Variants in UBN1 observed in about 807,000 individuals in gnomAD.
UBN1 encodes the protein ubinuclein-1.
Under a neutral mutation model 108.5 loss-of-function variants are expected in UBN1, and 17 were observed. The observed-to-expected ratio is 0.16, with a 90% CI of 0.11 to 0.24. The LOEUF (loss-of-function observed/expected upper bound fraction) is 0.24. UBN1 is among the 10% of genes least tolerant of loss of function. The pLI is 1.00. For missense variants in UBN1, 1,595 were observed against 1,394.4 expected, an observed-to-expected ratio of 1.14 and a Z score of -2.29; for synonymous variants, 726 against 564.2, an observed-to-expected ratio of 1.29 and a Z score of -4.07.
intron 4 of UBN1, 82 bp downstream of exon 4, chr16:4,858,745 GT>G: frequency 7.3e-7 from 1 of 1,377,412 alleles, no homozygotes. Flanking sequence ...TGGGGGTGGG[GT>G]CAGAGCAGTC....
chr16:4,875,393 C>A lies in UBN1; in HGVS notation c.2983C>A (p.Pro995Thr), dbSNP rs202217089. ...GTTGCTGACCTCGCCGTCCCTAAAGCCCTCTGCAGTTAGTAGTGTGACATC... is the reference window on the plus strand; with the variant it reads ...GTTGCTGACCTCGCCGTCCCTAAAGACCTCTGCAGTTAGTAGTGTGACATC... ...AKLLTSPSLK[P>T]SAVSSVTSST... Residue 995 changes from proline (P) to threonine (T), a missense_variant, in exon 15 of 18, where the codon CCC (proline) becomes ACC (threonine). Pro to Thr is a conservative substitution (Grantham distance 38). Coordinates refer to ENST00000262376, the MANE Select transcript of UBN1 (RefSeq NM_001079514.3). 27 of 1,613,848 alleles carry A rather than the reference C, an allele frequency of 1.7e-5. No individual in the cohort carries two copies. Among genetic ancestry groups the A allele is most frequent in the Non-Finnish European group, 2.3e-5 (27 of 1,179,948 alleles).
chr16:4,858,916 G>A, intron 4 of UBN1, 109 bp from the exon 5 acceptor site: 2 of 1,394,996 alleles, frequency 1.4e-6, no homozygotes, highest in Non-Finnish European at 2.0e-6. Context: ...GTTTTAGCAT[G>A]CTCTTGGAAG....
chr16:4,870,627 G>C lies in UBN1; in HGVS notation c.1423G>C (p.Val475Leu), dbSNP rs745307493. 6.8e-6 allele frequency: 11 copies of C among 1,614,138 alleles called. No individual in the cohort carries two copies. The highest frequency in any genetic ancestry group is 1.1e-5 in the South Asian group (1 of 91,088). The change falls in exon 10 of 18, where the codon GTT (valine) becomes CTT (leucine). Residue 475 changes from valine (V) to leucine (L), a missense_variant. Val to Leu is a conservative substitution (Grantham distance 32). Transcript: ENST00000262376. ...DECQAHTQAK[V>L]AKMLEEEKDK... is the part of the protein sequence containing the mutation. ...ATGCCAGGCACACACGCAGGCAAAG[G>C]TTGCCAAGTAAGTTTGTCCTGGCGC...
Position 4,877,488 on chromosome 16 carries a change from G to T in UBN1, c.3355+14G>T. ...AGAGTCTGCCAGGTAATCACCCGAC[G>T]GTCAGTGTGCCACGCGCACCGTGTG... On this transcript the variant is annotated intron_variant, in intron 17 of 17. Coordinates refer to ENST00000262376, the MANE Select transcript of UBN1 (RefSeq NM_001079514.3). This position sits in a 1 kb window ranked among gnomAD's most constrained non-coding sequence, Gnocchi z 4.3. 1 of 1,605,718 alleles carries T rather than the reference G, an allele frequency of 6.2e-7. No individual in the cohort carries two copies.
Position 4,858,082 on chromosome 16 carries a change from A to G in UBN1, c.336+6A>G, listed in dbSNP as rs773040072. ...GAAAATTTGAAGAAAAATACGTAAG[A>G]TTTCTCTCTTGAATAACAAAACAAC... On this transcript the variant is annotated splice_donor_region_variant and intron_variant, in intron 3 of 17. Coordinates refer to ENST00000262376, the MANE Select transcript of UBN1 (RefSeq NM_001079514.3). 2.5e-6 allele frequency: 4 copies of G among 1,600,040 alleles called. No homozygotes were observed. The highest frequency in any genetic ancestry group is 3.4e-6 in the Non-Finnish European group (4 of 1,168,590).
intron 2 of UBN1, among the ~76,000 whole-genome samples, chr16:4,856,582 C>T (rs1363067924): frequency 6.6e-6 from 1 of 152,170 alleles, no homozygotes; most frequent in Non-Finnish European, 1.5e-5. Context: ...GACACAGGCC[C>T]TGGAGGTCTT....
rs746374573 is a variant in UBN1 at position 4,870,512 on chromosome 16, G to A, written c.1312-4G>A. On this transcript the variant is annotated splice_region_variant and splice_polypyrimidine_tract_variant and intron_variant, in intron 9 of 17. Transcript: ENST00000262376. ...TGCCTTGAATTGTGTCCCGCTCTTCGCAGGGGGGCCGTCTGAAGGAGCCTC... is the reference window on the plus strand; with the variant it reads ...TGCCTTGAATTGTGTCCCGCTCTTCACAGGGGGGCCGTCTGAAGGAGCCTC... 19 of 1,614,032 alleles carry A rather than the reference G, an allele frequency of 1.2e-5. No individual in the cohort carries two copies. The highest frequency in any genetic ancestry group is 3.3e-5 in the South Asian group (3 of 91,086).
intron 7 of UBN1, among the ~76,000 whole-genome samples, chr16:4,861,507 C>T (rs1053479602): frequency 2.6e-5 from 4 of 152,350 alleles, no homozygotes; most frequent in South Asian, 2.1e-4. Context: ...ACAAGTTACA[C>T]GTAGAGTAGA....
rs2086871638 is a variant in UBN1 at position 4,857,523 on chromosome 16, C to T, written c.250-467C>T. On this transcript the variant is annotated intron_variant, in intron 2 of 17. Transcript: ENST00000262376. ...GAGAGAAGTGCAAATTCAGACCTTTCTAAACAGTATGGCAGAACGGCTCTC... is the reference window on the plus strand; with the variant it reads ...GAGAGAAGTGCAAATTCAGACCTTTTTAAACAGTATGGCAGAACGGCTCTC... Among the ~76,000 whole-genome samples the T allele has an allele frequency of 3.3e-5, 5 of 151,664 alleles. No individual in the cohort carries two copies. In the South Asian group the frequency reaches 1.0e-3, roughly 32 times the overall value.
At chr16:4,860,066 C>T in intron 6 of UBN1, 98 bp downstream of exon 6, 6 of 1,499,114 alleles carry the variant, frequency 4.0e-6, no homozygotes, top group Non-Finnish European at 5.4e-6. Context: ...TCGGAAGAGG[C>T]AGCAGGGCCT....
chr16:4,877,845 T>C lies in UBN1; in HGVS notation c.3355+371T>C, dbSNP rs1259448109. The C allele has an allele frequency of 9.9e-7, 1 of 1,005,640 alleles. No homozygotes were observed. Among genetic ancestry groups the C allele is most frequent in the African/African-American group, 1.7e-5 (1 of 57,810 alleles). The allele number at this position is 1,005,640 out of a possible 1,614,324, so 62.3% of individuals were successfully genotyped here. ...GTAATGGTGCATCTTCTCCAAGGGCTAATTGGGTACAACAAGGTCTTGGAA... is the reference window on the plus strand; with the variant it reads ...GTAATGGTGCATCTTCTCCAAGGGCCAATTGGGTACAACAAGGTCTTGGAA... On this transcript the variant is annotated intron_variant, in intron 17 of 17. Coordinates refer to ENST00000262376, the MANE Select transcript of UBN1 (RefSeq NM_001079514.3). The surrounding 1 kb of genome is among the most constrained non-coding windows in gnomAD (Gnocchi z 4.3).
rs1407492233 is a variant in UBN1, at chr16:4,870,941, C to T, written c.1528C>T (p.Arg510Trp). 1.9e-6 allele frequency: 3 copies of T among 1,614,154 alleles called. No individual in the cohort carries two copies. Among genetic ancestry groups the T allele is most frequent in the South Asian group, 1.1e-5 (1 of 91,078 alleles). The change falls in exon 11 of 18, where the codon CGG becomes TGG. Residue 510 changes from arginine (R) to tryptophan (W), a missense_variant. Arg to Trp is a moderately radical substitution (Grantham distance 101). This residue lies in a region of UBN1 where 1,398 missense variants were observed against 1,194.7 expected (regional missense o/e 1.17). Coordinates refer to ENST00000262376, the MANE Select transcript of UBN1 (RefSeq NM_001079514.3). ...AGGGGGCAGGAGGATAATGGGACCTCGGAAGAAGTTCCAATGGAATGATGA... is the reference window on the plus strand; with the variant it reads ...AGGGGGCAGGAGGATAATGGGACCTTGGAAGAAGTTCCAATGGAATGATGA... ...EKGGRRIMGP[R>W]KKFQWNDEIR...
At chr16:4,862,683 A>G (rs2087123252) in intron 7 of UBN1, among the ~76,000 whole-genome samples, 1 of 152,160 alleles carries the variant, frequency 6.6e-6, no homozygotes, top group Non-Finnish European at 1.5e-5. Context: ...CTGTGTCCCC[A>G]CTCGTGCCAT....
intron 3 of UBN1, 124 bp downstream of exon 3, chr16:4,858,200 G>C: frequency 2.7e-6 from 2 of 735,468 alleles, no homozygotes; most frequent in South Asian, 3.2e-5. Context: ...AGCATGGAGA[G>C]AAGAGAAGCA....
chr16:4,860,876 C>A lies in UBN1; in HGVS notation c.884C>A (p.Ser295Tyr). ...GACCCCTTGCTCTCACTCTTTGGCT[C>A]TACTTCTGACAACGACTTGCTCCAG... is the stretch of plus-strand genomic sequence containing the variant. ...ASDPLLSLFGSTSDNDLLQAA... is the reference protein window; with the variant it reads ...ASDPLLSLFGYTSDNDLLQAA... Residue 295 changes from serine to tyrosine, a missense_variant, in exon 7 of 18, where the codon TCT becomes TAT. Physicochemically the swap from Ser to Tyr is moderately radical, Grantham distance 144 (BLOSUM62 -2). Coordinates refer to ENST00000262376, the MANE Select transcript of UBN1 (RefSeq NM_001079514.3). 8.1e-6 allele frequency: 13 copies of A among 1,614,254 alleles called. No homozygotes were observed. Among genetic ancestry groups the A allele is most frequent in the Non-Finnish European group, 1.1e-5 (13 of 1,180,038 alleles).
intron 2 of UBN1, among the ~76,000 whole-genome samples, chr16:4,853,627 G>C (rs1210484875): frequency 6.6e-6 from 1 of 150,450 alleles, no homozygotes; most frequent in Non-Finnish European, 1.5e-5. Flanking sequence ...GGGCGATCTC[G>C]GCTCACTGTA....
chr16:4,872,593 C>T (rs1489155489), intron 12 of UBN1, among the ~76,000 whole-genome samples: 7 of 152,158 alleles, frequency 4.6e-5, no homozygotes, highest in African/African-American at 9.7e-5. Flanking sequence ...CTCAGCCTCC[C>T]GAGTAGCTGG....
At chr16:4,861,498 C>G (rs1596490810) in intron 7 of UBN1, among the ~76,000 whole-genome samples, 1 of 152,238 alleles carries the variant, frequency 6.6e-6, no homozygotes, top group Non-Finnish European at 1.5e-5. Context: ...TGTAAACATA[C>G]AAGTTACACG....
At position 4,871,260 on chromosome 16, in the gene UBN1, G is replaced by A. The variant is rs142815176; in HGVS notation, c.1665G>A (p.Ala555=). The A allele has an allele frequency of 5.5e-5, 89 of 1,614,114 alleles. No homozygotes were observed. Among genetic ancestry groups the A allele is most frequent in the Middle Eastern group, 1.6e-4 (1 of 6,084 alleles). Residue 555 remains alanine (A), a synonymous_variant, in exon 12 of 18, where the codon GCG becomes GCA. Transcript: ENST00000262376. The part of the protein sequence containing the change: ...WEDCVKGFLD[A]EVKPLWPKGW... ...ACTGTGTGAAGGGCTTTCTGGATGC[G>A]GAAGTCAAGCCCCTCTGGCCCAAAG...
Sources: gnomAD v4.1 joint callset for allele counts (sites outside exome capture counted in the v4.1 genomes callset) on GRCh38, gnomAD v4.1.1 for gene constraint, gnomAD v4.1.1 regional missense constraint, Gnocchi (gnomAD v3.1) non-coding constraint, MANE v1.5 for transcripts, NCBI Gene and HGNC (gene_info 2026-07-23, HGNC 2026-07-21) for gene names.